LRRC7: variants seen among roughly 807,000 people sequenced by gnomAD.
The protein encoded by LRRC7 is leucine-rich repeat-containing protein 7.
In LRRC7, 23 loss-of-function variants were observed where a neutral mutation model predicts 175.7. The ratio of observed to expected loss-of-function variants is 0.13; its 90% CI spans 0.09 to 0.19. The LOEUF is 0.19. Ranked by LOEUF, LRRC7 falls within the 10% of genes least tolerant of loss-of-function variation. LRRC7 has a pLI of 1.00. For missense variants in LRRC7, 1,354 were observed against 1,904.7 expected (o/e 0.71, Z 5.38); for synonymous variants, 685 against 680.9 (o/e 1.01, Z -0.09).
At chr1:70,087,146 TG>T (rs1165911979) in intron 24 of LRRC7, among the ~76,000 whole-genome samples, 9 of 152,228 alleles carry the variant, frequency 5.9e-5, no homozygotes, top group African/African-American at 2.2e-4. Flanking sequence ...TTCATACACT[TG>T]GCACATGTGA....
chr1:69,934,340 A>AT (rs1284677601), intron 8 of LRRC7, among the ~76,000 whole-genome samples: 1 of 152,128 alleles, frequency 6.6e-6, no homozygotes, highest in Non-Finnish European at 1.5e-5. Flanking sequence ...AGCAATGTAA[A>AT]TGTCCCAAAT....
At chr1:70,062,717 T>C (rs1039972223) in intron 23 of LRRC7, among the ~76,000 whole-genome samples, 2 of 152,010 alleles carry the variant, frequency 1.3e-5, no homozygotes, top group Non-Finnish European at 2.9e-5. Flanking sequence ...TTTGAAAAAA[T>C]CAATGAAATA....
rs538348338 is a variant in LRRC7, at chr1:69,965,340, C to T, written c.712-15039C>T. On this transcript the variant is annotated intron_variant, in intron 8 of 26. Coordinates refer to ENST00000651989, the MANE Select transcript of LRRC7 (RefSeq NM_001370785.2). ...TTGTCATTTCGTGTATTGTCATTCC[C>T]TCCAAACATCATGTCATCTGTAGAT... Among the ~76,000 whole-genome samples, 21 of 152,260 alleles carry T rather than the reference C, an allele frequency of 1.4e-4. No homozygotes were observed. The South Asian group carries it at 3.9e-3, about 29-fold the overall frequency.
At chr1:69,816,669 A>T (rs1485347714) in intron 4 of LRRC7, among the ~76,000 whole-genome samples, 1 of 152,150 alleles carries the variant, frequency 6.6e-6, no homozygotes, top group Non-Finnish European at 1.5e-5. Context: ...TATTTAATTT[A>T]AAAAATAACT....
intron 1 of LRRC7, among the ~76,000 whole-genome samples, chr1:69,673,213 A>G (rs1659337029): frequency 6.6e-6 from 1 of 152,210 alleles, no homozygotes. Context: ...CTGCATGATA[A>G]TCTTTAGTAC....
At chr1:69,679,169 A>T (rs1660167905) in intron 2 of LRRC7, among the ~76,000 whole-genome samples, 1 of 152,092 alleles carries the variant, frequency 6.6e-6, no homozygotes, top group African/African-American at 2.4e-5. Context: ...TTAAGTTTAT[A>T]AAATGATCCA....
intron 21 of LRRC7, among the ~76,000 whole-genome samples, chr1:70,040,686 C>T (rs1052611577): frequency 1.2e-4 from 18 of 151,904 alleles, no homozygotes; most frequent in African/African-American, 2.7e-4. Flanking sequence ...TGGTGGCGCA[C>T]GCCTGTAATC....
intron 17 of LRRC7, among the ~76,000 whole-genome samples, chr1:70,027,121 A>G (rs1357179660): frequency 6.6e-6 from 1 of 151,748 alleles, no homozygotes; most frequent in Admixed American, 6.6e-5. Context: ...CCCCACACAC[A>G]CTTTCCACAG....
chr1:69,584,337 CA>C (rs1419814693), intron 1 of LRRC7, among the ~76,000 whole-genome samples: 2 of 152,128 alleles, frequency 1.3e-5, no homozygotes, highest in African/African-American at 4.8e-5. Flanking sequence ...ACTCCCTTGC[CA>C]TCTGCTGCCC....
At chr1:69,618,143 G>A (rs935000937) in intron 1 of LRRC7, among the ~76,000 whole-genome samples, 7 of 151,776 alleles carry the variant, frequency 4.6e-5, no homozygotes, top group South Asian at 2.1e-4. Flanking sequence ...TTTTTCCCCC[G>A]CAGGAACTCT....
chr1:69,875,089 A>T (rs1462171755), intron 7 of LRRC7: 1 of 152,096 alleles, frequency 6.6e-6, no homozygotes, highest in Non-Finnish European at 1.5e-5. Flanking sequence ...AATGCCACCA[A>T]TTTATTCAGC....
chr1:69,956,820 A>G (rs375445007), intron 8 of LRRC7, among the ~76,000 whole-genome samples: 1 of 151,642 alleles, frequency 6.6e-6, no homozygotes, highest in East Asian at 1.9e-4. Context: ...AAAATAATCC[A>G]TCGAACTCTA....
intron 11 of LRRC7, among the ~76,000 whole-genome samples, chr1:70,005,931 TA>T (rs1655957879): frequency 6.6e-6 from 1 of 151,980 alleles, no homozygotes; most frequent in Middle Eastern, 3.4e-3. Context: ...AACTTATTTT[TA>T]CTTTCCACAA....
intron 7 of LRRC7, among the ~76,000 whole-genome samples, chr1:69,896,771 G>T (rs528241277): frequency 6.6e-6 from 1 of 152,058 alleles, no homozygotes. Context: ...AAAAGAGAAA[G>T]TCTAACTTTT....
chr1:69,963,866 G>T (rs1388863841), intron 8 of LRRC7, among the ~76,000 whole-genome samples: 1 of 152,080 alleles, frequency 6.6e-6, no homozygotes, highest in Non-Finnish European at 1.5e-5. Flanking sequence ...CATCCATGAG[G>T]GTTTGTCTAT....
chr1:69,928,924 G>T (rs560892282), intron 7 of LRRC7, among the ~76,000 whole-genome samples: 2 of 152,196 alleles, frequency 1.3e-5, no homozygotes, highest in African/African-American at 2.4e-5. Context: ...GCTGTAGACC[G>T]GAGCTGTTCC....
At position 70,128,276 on chromosome 1, in the gene LRRC7, A is replaced by G. The variant is rs1666528502; in HGVS notation, c.*6389A>G. Among the ~76,000 whole-genome samples the G allele has an allele frequency of 6.6e-6, 1 of 152,132 alleles. No homozygotes were observed. The highest frequency in any genetic ancestry group is 2.1e-4 in the South Asian group (1 of 4,830). ...TGTGCCCAGCATTTTTTCATTCTTT[A>G]AGCTAGCATAGATTTCACTGGGTGT... On this transcript the variant is annotated 3_prime_UTR_variant, in exon 27 of 27. Transcript: ENST00000651989.
intron 3 of LRRC7, among the ~76,000 whole-genome samples, chr1:69,781,763 GAGAAAGAA>G (rs1553155162): frequency 2.5e-5 from 1 of 39,228 alleles, no homozygotes; most frequent in Non-Finnish European, 4.3e-5. Context: ...GAGAGAGAGA[GAGAAAGAA>G]AGAAAGAAAG....
At chr1:70,074,754 A>G (rs943338778) in intron 23 of LRRC7, among the ~76,000 whole-genome samples, 3 of 152,166 alleles carry the variant, frequency 2.0e-5, no homozygotes, top group Admixed American at 6.5e-5. Flanking sequence ...ATAATTTTTA[A>G]TATTTTCTTT....
Sources: gnomAD v4.1 joint callset for allele counts (sites outside exome capture counted in the v4.1 genomes callset) on GRCh38, gnomAD v4.1.1 for gene constraint, MANE v1.5 for transcripts, NCBI Gene and HGNC (gene_info 2026-07-23, HGNC 2026-07-21) for gene names.